The following HMGA2 variants were observed in gnomAD, a reference collection of about 807,000 sequenced individuals.
HMGA2 encodes high mobility group protein HMGI-C.
A neutral mutation model predicts 19.1 loss-of-function variants in HMGA2; 8 were observed. That is an observed-to-expected ratio of 0.42 (90% CI 0.25 to 0.76). The LOEUF (loss-of-function observed/expected upper bound fraction) is 0.76. Among genes scored for constraint, HMGA2 ranks in the 30% least tolerant of loss-of-function variants. The probability of loss-of-function intolerance (pLI) is 0.28; values close to 1 mark genes in which losing one functional copy is unlikely to be tolerated. For missense variants in HMGA2, 109 were observed against 136.3 expected (o/e 0.80, Z 1.00); for synonymous variants, 60 against 48.8 (o/e 1.23, Z -0.96).
chr12:65,903,193 C>A (rs1255976199), intron 3 of HMGA2, among the ~76,000 whole-genome samples: 2 of 152,056 alleles, frequency 1.3e-5, no homozygotes, highest in Non-Finnish European at 2.9e-5. Flanking sequence ...TTTATATACA[C>A]ATAAATATAT....
intron 3 of HMGA2, among the ~76,000 whole-genome samples, chr12:65,939,416 C>T (rs1379073778): frequency 3.3e-5 from 5 of 151,704 alleles, no homozygotes; most frequent in Non-Finnish European, 2.9e-5. Context: ...AGCACAGTGG[C>T]GTGATCTCGG....
At chr12:65,898,395 T>C (rs1019073238) in intron 3 of HMGA2, among the ~76,000 whole-genome samples, 1 of 152,190 alleles carries the variant, frequency 6.6e-6, no homozygotes, top group East Asian at 1.9e-4. Flanking sequence ...TTTCAGAGAC[T>C]TTTGCAACTT....
intron 4 of HMGA2, chr12:65,954,711 T>G (rs952299753): frequency 1.3e-5 from 2 of 152,202 alleles, no homozygotes; most frequent in Non-Finnish European, 2.9e-5. Context: ...CCAGGTGTCA[T>G]CAGCTGCAAA....
chr12:65,894,039 TG>T (rs1874026754), intron 3 of HMGA2, among the ~76,000 whole-genome samples: 1 of 152,344 alleles, frequency 6.6e-6, no homozygotes, highest in Admixed American at 6.5e-5. Context: ...GGTATTATAA[TG>T]GTTTTGAATG....
chr12:65,851,081 G>A (rs1051042153), intron 3 of HMGA2, among the ~76,000 whole-genome samples: 2 of 152,186 alleles, frequency 1.3e-5, no homozygotes, highest in African/African-American at 2.4e-5. Context: ...ATCTGCATTT[G>A]AGTCTGAACC....
intron 3 of HMGA2, among the ~76,000 whole-genome samples, chr12:65,884,851 T>C (rs1873588940): frequency 6.6e-6 from 1 of 152,226 alleles, no homozygotes; most frequent in Non-Finnish European, 1.5e-5. Flanking sequence ...GGTATCATCA[T>C]ATTATAATGG....
intron 3 of HMGA2, among the ~76,000 whole-genome samples, chr12:65,929,501 C>CAT (rs1191532996): frequency 6.0e-5 from 9 of 149,908 alleles, no homozygotes; most frequent in Non-Finnish European, 1.3e-4. Flanking sequence ...TAATATATAT[C>CAT]ATATATATAT....
At chr12:65,841,459 G>C (rs1870992603) in intron 3 of HMGA2, among the ~76,000 whole-genome samples, 1 of 152,210 alleles carries the variant, frequency 6.6e-6, no homozygotes, top group African/African-American at 2.4e-5. Context: ...TTTCCTCTTT[G>C]CTTGTATATC....
At chr12:65,828,137 A>T (rs1870302959) in intron 2 of HMGA2, 50 bp downstream of exon 2, 2 of 1,352,528 alleles carry the variant, frequency 1.5e-6, no homozygotes, top group Non-Finnish European at 2.1e-6. Flanking sequence ...GACTGACTAC[A>T]GGAGCCTGCC....
At chr12:65,864,363 C>T (rs771853963) in intron 3 of HMGA2, among the ~76,000 whole-genome samples, 1 of 151,774 alleles carries the variant, frequency 6.6e-6, no homozygotes, top group African/African-American at 2.4e-5. Flanking sequence ...ATTTTTTGGC[C>T]CAAATATAAA....
At chr12:65,868,957 C>T (rs544260347) in intron 3 of HMGA2, among the ~76,000 whole-genome samples, 20 of 152,314 alleles carry the variant, frequency 1.3e-4, no homozygotes, top group Middle Eastern at 3.4e-3. Context: ...ACTGCCAATG[C>T]ATTGCGTAGA....
chr12:65,881,932 G>A (rs1409629655), intron 3 of HMGA2: 2 of 701,432 alleles, frequency 2.9e-6, no homozygotes, highest in Non-Finnish European at 5.2e-6. Flanking sequence ...AAGGCATGGA[G>A]AGATTCCAAT....
chr12:65,837,926 G>GC (rs1870804086), intron 2 of HMGA2, among the ~76,000 whole-genome samples: 2 of 152,248 alleles, frequency 1.3e-5, no homozygotes, highest in Admixed American at 1.3e-4. Context: ...ATTGACAGGT[G>GC]ATTGTTTCAG....
Position 65,963,828 on chromosome 12 carries a change from T to C in HMGA2, c.*536T>C. 1 of 221,886 alleles carries C rather than the reference T, an allele frequency of 4.5e-6. No homozygotes were observed. Among genetic ancestry groups the C allele is most frequent in the East Asian group, 6.7e-5 (1 of 14,962 alleles). 13.7% of individuals were successfully genotyped at this position (221,886 alleles called of 1,614,324 possible). On this transcript the variant is annotated 3_prime_UTR_variant, in exon 5 of 5. Transcript: ENST00000403681. The stretch of plus-strand genomic sequence containing the variant: ...CAAAGATAAGGACTAGATACTACTT[T>C]CTCTTTTTCGTATAATCTTGTAGAC...
intron 3 of HMGA2, among the ~76,000 whole-genome samples, chr12:65,909,956 T>A (rs977678967): frequency 2.0e-5 from 3 of 152,192 alleles, no homozygotes; most frequent in African/African-American, 7.2e-5. Flanking sequence ...ATGCACATCG[T>A]CTTGGATGTT....
intron 3 of HMGA2, among the ~76,000 whole-genome samples, chr12:65,944,115 CA>C (rs1482499983): frequency 2.6e-5 from 4 of 152,144 alleles, no homozygotes; most frequent in Admixed American, 6.5e-5. Flanking sequence ...TCAGATATAT[CA>C]TATTCCTATC....
chr12:65,950,394 C>T (rs1434722088), intron 3 of HMGA2, among the ~76,000 whole-genome samples: 1 of 152,190 alleles, frequency 6.6e-6, no homozygotes, highest in Non-Finnish European at 1.5e-5. Context: ...ACTGCTGATG[C>T]TACCACATGG....
intron 3 of HMGA2, among the ~76,000 whole-genome samples, chr12:65,948,659 T>G (rs1272718213): frequency 1.3e-5 from 2 of 152,154 alleles, no homozygotes; most frequent in Non-Finnish European, 2.9e-5. Context: ...CAACCAACAT[T>G]GAAAGTATTC....
chr12:65,950,699 T>C (rs1876427777), intron 3 of HMGA2, among the ~76,000 whole-genome samples: 1 of 152,190 alleles, frequency 6.6e-6, no homozygotes, highest in South Asian at 2.1e-4. Context: ...GTGAATTATG[T>C]GGTATGTAAA....
Sources: allele counts gnomAD v4.1 joint callset (sites outside exome capture counted in the v4.1 genomes callset), GRCh38; gene constraint gnomAD v4.1.1; transcripts MANE v1.5; gene names NCBI Gene and HGNC (gene_info 2026-07-23, HGNC 2026-07-21).